Variants in BIRC6 observed in about 807,000 individuals in gnomAD.
BIRC6 encodes dual E2 ubiquitin-conjugating enzyme/E3 ubiquitin-protein ligase BIRC6.
A neutral mutation model predicts 503.3 loss-of-function variants in BIRC6; 98 were observed. That is an observed-to-expected ratio of 0.19 (90% CI 0.17 to 0.23). The LOEUF is 0.23. BIRC6 is among the 10% of genes least tolerant of loss of function. The pLI, the probability that BIRC6 is intolerant of heterozygous loss-of-function variation, is 1.00. For synonymous variants in BIRC6, 2,240 were observed against 2,078.7 expected (o/e 1.08, Z -2.11); for missense variants, 5,360 against 5,806.0 (o/e 0.92, Z 2.50).
chr2:32,436,225 A>G (rs757399941), intron 15 of BIRC6, 41 bp downstream of exon 15: 1 of 1,349,870 alleles, frequency 7.4e-7, no homozygotes, highest in South Asian at 2.0e-5. Context: ...TAATAATACC[A>G]CAGTTGTAAA....
Position 32,371,841 on chromosome 2 carries a change from C to T in BIRC6, c.326-5747C>T, listed in dbSNP as rs1294318773. 2.6e-5 allele frequency among the ~76,000 whole-genome samples: 4 copies of T among 152,002 alleles called. No individual in the cohort carries two copies. The East Asian group carries it at 5.8e-4, about 22-fold the overall frequency. Reference sequence around the variant, plus strand: ...TGTGTTTTGAGACAGAGTCTCACTCCGTCACCCAGGCTAGAGTGCAATGGC... The same window carrying T: ...TGTGTTTTGAGACAGAGTCTCACTCTGTCACCCAGGCTAGAGTGCAATGGC... On this transcript the variant is annotated intron_variant, in intron 1 of 73. Transcript: ENST00000421745.
At position 32,478,688 on chromosome 2, in the gene BIRC6, T is replaced by A. The variant is rs756029354; in HGVS notation, c.7122T>A (p.Ile2374=). ...GGCCAACTATTCATCTGTGTGAGAT[T>A]GTGAACGAACCCCAGCTGGAAAGAC... is the stretch of plus-strand genomic sequence containing the variant. ...ATRPTIHLCE[I]VNEPQLERLL... Residue 2374 remains isoleucine, a synonymous_variant, in exon 36 of 74, where the codon ATT becomes ATA. Coordinates refer to ENST00000421745, the MANE Select transcript of BIRC6 (RefSeq NM_016252.4). 1.9e-6 allele frequency: 3 copies of A among 1,613,974 alleles called. No individual in the cohort carries two copies. Among genetic ancestry groups the A allele is most frequent in the Non-Finnish European group, 2.5e-6 (3 of 1,179,870 alleles).
chr2:32,572,200 A>T (rs918490057), intron 65 of BIRC6, among the ~76,000 whole-genome samples: 3 of 152,216 alleles, frequency 2.0e-5, no homozygotes, highest in African/African-American at 7.2e-5. Context: ...ATATACTGTC[A>T]TTGTTGAGTA....
At chr2:32,609,964 C>T (rs1450323937) in intron 72 of BIRC6, among the ~76,000 whole-genome samples, 1 of 152,156 alleles carries the variant, frequency 6.6e-6, no homozygotes, top group Non-Finnish European at 1.5e-5. Flanking sequence ...AAATGCCACT[C>T]GCTACTCTTT....
intron 59 of BIRC6, chr2:32,529,364 T>C (rs2056547979): frequency 3.7e-6 from 1 of 273,158 alleles, no homozygotes; most frequent in Non-Finnish European, 6.9e-6. Flanking sequence ...TAGCTGTCCT[T>C]TTATAGAAAA....
chr2:32,456,855 T>C lies in BIRC6; in HGVS notation c.4753+2913T>C, dbSNP rs148723813. Among the ~76,000 whole-genome samples, 439 of 152,368 alleles carry C rather than the reference T, an allele frequency of 2.9e-3. 7 individuals are homozygous for C. Among genetic ancestry groups the C allele is most frequent in the African/African-American group, 0.01 (427 of 41,584 alleles). On this transcript the variant is annotated intron_variant, in intron 23 of 73. Transcript: ENST00000421745. ...TTGTTTATTTTTTGTCATCAAGTTT[T>C]ATACACTTTGAGACCATCATATAAA... is the stretch of plus-strand genomic sequence containing the variant.
At chr2:32,482,277 A>G (rs1226017804) in intron 38 of BIRC6, among the ~76,000 whole-genome samples, 152 bp from the exon 39 acceptor site, 1 of 152,246 alleles carries the variant, frequency 6.6e-6, no homozygotes, top group Non-Finnish European at 1.5e-5. Context: ...GACCATTCTT[A>G]TAAATCATTA....
chr2:32,377,746 C>A lies in BIRC6; in HGVS notation c.484C>A (p.Gln162Lys). ...TPVSKQDDVV[Q>K]LELPVTEAQQ... is the part of the protein sequence containing the mutation. ...AGTTTCAAAGCAGGATGATGTGGTT[C>A]AGCTTGAATTACCCGTTACAGAGGT... Residue 162 changes from glutamine to lysine, a missense_variant, in exon 2 of 74, where the codon CAG (glutamine) becomes AAG (lysine). By Grantham distance (53) the Gln-to-Lys change is moderately conservative (BLOSUM62 1). Coordinates refer to ENST00000421745, the MANE Select transcript of BIRC6 (RefSeq NM_016252.4). The A allele has an allele frequency of 1.2e-6, 2 of 1,612,910 alleles. No homozygotes were observed. The highest frequency in any genetic ancestry group is 2.2e-5 in the South Asian group (2 of 90,858).
At chr2:32,577,957 CATTAG>C (rs2151085893) in intron 66 of BIRC6, among the ~76,000 whole-genome samples, 1 of 152,260 alleles carries the variant, frequency 6.6e-6, no homozygotes, top group Admixed American at 6.5e-5. Flanking sequence ...AAGCTCATTT[CATTAG>C]ATTATTTTAT....
In BIRC6 at chr2:32,531,428, A is replaced by G; in HGVS notation, c.12168A>G (p.Ile4056Met). ...LTPGDECMDG[I>M]LDESLLETCP... ...CAGGTGATGAATGCATGGATGGGATACTGGATGAATCTTTGCTTGAAACCT... is the reference window on the plus strand; with the variant it reads ...CAGGTGATGAATGCATGGATGGGATGCTGGATGAATCTTTGCTTGAAACCT... The change falls in exon 61 of 74, where the codon ATA becomes ATG. Residue 4056 changes from isoleucine to methionine, a missense_variant. Around this residue, in one of 16 missense-constraint regions of BIRC6, gnomAD observed 878 missense variants for 928.9 expected, o/e 0.95. Coordinates refer to ENST00000421745, the MANE Select transcript of BIRC6 (RefSeq NM_016252.4). The G allele has an allele frequency of 6.2e-7, 1 of 1,613,886 alleles. No homozygotes were observed. Among genetic ancestry groups the G allele is most frequent in the Non-Finnish European group, 8.5e-7 (1 of 1,179,814 alleles).
chr2:32,539,141 A>G (rs1209077409), intron 61 of BIRC6, among the ~76,000 whole-genome samples: 1 of 152,238 alleles, frequency 6.6e-6, no homozygotes, highest in Non-Finnish European at 1.5e-5. Flanking sequence ...TCACTATGAA[A>G]GTATTAATTC....
intron 35 of BIRC6, 127 bp from the exon 36 acceptor site, chr2:32,478,508 G>T: frequency 3.0e-6 from 2 of 665,262 alleles, no homozygotes; most frequent in Non-Finnish European, 4.5e-6. Flanking sequence ...AATTTTTTTT[G>T]ATACCAGACT....
At chr2:32,438,516 T>G (rs1315001908) in intron 15 of BIRC6, among the ~76,000 whole-genome samples, 3 of 152,036 alleles carry the variant, frequency 2.0e-5, no homozygotes, top group Non-Finnish European at 4.4e-5. Flanking sequence ...GATCCCAATT[T>G]GGTTAATATC....
rs1249816753 is a variant in BIRC6, at chr2:32,357,879, C to T, written c.325+393C>T. Among the ~76,000 whole-genome samples the T allele has an allele frequency of 6.6e-6, 1 of 152,026 alleles. No individual in the cohort carries two copies. The highest frequency in any genetic ancestry group is 1.9e-4 in the East Asian group (1 of 5,174). ...AGAGCGAAAGGCTGGAAGGGTTGAC[C>T]CCGGGCGGAGAGGCTGGTGGCCGGA... On this transcript the variant is annotated intron_variant, in intron 1 of 73. Transcript: ENST00000421745. The surrounding 1 kb of genome is among the most constrained non-coding windows in gnomAD (Gnocchi z 4.9).
At position 32,491,492 on chromosome 2, in the gene BIRC6, A is replaced by C. The variant is rs775144066; in HGVS notation, c.8274A>C (p.Leu2758=). ...ATTTGTTGGTTTCAGATCCAAACCT[A>C]ATTCATGTATTAGTGAAATTTCTTT... is the stretch of plus-strand genomic sequence containing the variant. ...TAHLLVSDPN[L]IHVLVKFLSG... Residue 2758 remains leucine (L), a synonymous_variant, in exon 44 of 74, where the codon CTA becomes CTC. Transcript: ENST00000421745. 4.3e-6 allele frequency: 7 copies of C among 1,613,468 alleles called. No homozygotes were observed. The Admixed American group carries it at 5.0e-5, about 12-fold the overall frequency.
intron 1 of BIRC6, 27 bp from the exon 2 acceptor site, chr2:32,377,561 A>G: frequency 6.4e-7 from 1 of 1,563,940 alleles, no homozygotes; most frequent in Non-Finnish European, 8.7e-7. Flanking sequence ...GAAAATCTTA[A>G]GTGTTGAATT....
At chr2:32,513,312 T>C (rs1373309390) in intron 54 of BIRC6, among the ~76,000 whole-genome samples, 158 bp downstream of exon 54, 1 of 152,228 alleles carries the variant, frequency 6.6e-6, no homozygotes, top group Non-Finnish European at 1.5e-5. Context: ...TTGTCAAATA[T>C]TAATTTATCT....
intron 28 of BIRC6, 118 bp from the exon 29 acceptor site, chr2:32,468,319 G>T: frequency 9.9e-7 from 1 of 1,013,804 alleles, no homozygotes; most frequent in African/African-American, 1.6e-5. Context: ...TATCAAGTGG[G>T]TAATTCTTTT....
intron 66 of BIRC6, among the ~76,000 whole-genome samples, chr2:32,584,888 GT>G (rs1251479484): frequency 6.6e-6 from 1 of 151,978 alleles, no homozygotes; most frequent in Non-Finnish European, 1.5e-5. Flanking sequence ...AACCATAAAC[GT>G]TTTATTTTTT....
Sources: allele counts gnomAD v4.1 joint callset (sites outside exome capture counted in the v4.1 genomes callset), GRCh38; gene constraint gnomAD v4.1.1; regional missense constraint gnomAD v4.1.1; non-coding constraint Gnocchi (gnomAD v3.1); transcripts MANE v1.5; gene names NCBI Gene and HGNC (gene_info 2026-07-23, HGNC 2026-07-21).